KCNIP1: variants seen among roughly 807,000 people sequenced by gnomAD.
KCNIP1 encodes A-type potassium channel modulatory protein KCNIP1.
Under a neutral mutation model 33.0 loss-of-function variants are expected in KCNIP1, and 18 were observed. The ratio of observed to expected loss-of-function variants is 0.55; its 90% CI spans 0.38 to 0.81. The LOEUF is 0.81. KCNIP1 is among the 30% of genes least tolerant of loss of function. The pLI, the probability that KCNIP1 is intolerant of heterozygous loss-of-function variation, is 0.00. For synonymous variants in KCNIP1, 93 were observed against 98.3 expected, an observed-to-expected ratio of 0.95 and a Z score of 0.32; for missense variants, 238 against 271.6, an observed-to-expected ratio of 0.88 and a Z score of 0.87.
At chr5:170,667,008 G>A (rs1404339055) in intron 1 of KCNIP1, among the ~76,000 whole-genome samples, 5 of 152,236 alleles carry the variant, frequency 3.3e-5, no homozygotes, top group African/African-American at 9.6e-5. Flanking sequence ...TAAGAAACAG[G>A]TATTTTAAAA....
At chr5:170,635,580 CTTAG>C (rs1295354331) in intron 1 of KCNIP1, among the ~76,000 whole-genome samples, 2 of 152,182 alleles carry the variant, frequency 1.3e-5, no homozygotes. Flanking sequence ...GTTAGTATAG[CTTAG>C]TTAAACTTTC....
intron 1 of KCNIP1, among the ~76,000 whole-genome samples, chr5:170,494,616 C>A (rs1037397281): frequency 6.6e-6 from 1 of 152,178 alleles, no homozygotes; most frequent in Non-Finnish European, 1.5e-5. Flanking sequence ...GCCAGGCCAC[C>A]AGCGTACGTC....
rs183726858 is a variant in KCNIP1 at position 170,509,332 on chromosome 5, C to T, written c.61+4699C>T. Among the ~76,000 whole-genome samples the T allele has an allele frequency of 3.3e-3, 505 of 152,098 alleles. 3 individuals are homozygous for T. Among genetic ancestry groups the T allele is most frequent in the Admixed American group, 4.8e-3 (73 of 15,268 alleles). The stretch of plus-strand genomic sequence containing the variant: ...TCTGGTCCCTCAATCCCAGAAGAAG[C>T]TCAATGGAGCTCAAGATAAACAGAA... On this transcript the variant is annotated intron_variant, in intron 1 of 7. Coordinates refer to ENST00000328939, the MANE Select transcript of KCNIP1 (RefSeq NM_014592.4).
chr5:170,534,906 T>C (rs1214109937), intron 1 of KCNIP1, among the ~76,000 whole-genome samples: 1 of 151,776 alleles, frequency 6.6e-6, no homozygotes, highest in Non-Finnish European at 1.5e-5. Flanking sequence ...GAGACTTGCC[T>C]CCTGTGTGCA....
chr5:170,467,918 A>C (rs1344877840), intron 1 of KCNIP1, among the ~76,000 whole-genome samples: 2 of 98,092 alleles, frequency 2.0e-5, no homozygotes. Flanking sequence ...ATTCCATCTC[A>C]AAAAAAAAAA....
chr5:170,484,500 T>TGGCATCCTCTCTCCCTCC (rs1757042782), intron 1 of KCNIP1, among the ~76,000 whole-genome samples: 1 of 152,186 alleles, frequency 6.6e-6, no homozygotes, highest in African/African-American at 2.4e-5. Flanking sequence ...GGCCTCCCTC[T>TGGCATCCTCTCTCCCTCC]GGCATCCTCT....
chr5:170,450,571 C>T (rs969139817), intron 1 of KCNIP1, among the ~76,000 whole-genome samples: 2 of 152,140 alleles, frequency 1.3e-5, no homozygotes, highest in African/African-American at 4.8e-5. Flanking sequence ...CTTGCAAGGC[C>T]TCCTGTGTTC....
chr5:170,473,525 C>G (rs919947782), intron 1 of KCNIP1, among the ~76,000 whole-genome samples: 6 of 152,152 alleles, frequency 3.9e-5, no homozygotes, highest in African/African-American at 1.4e-4. Flanking sequence ...CCTGAGAAAT[C>G]AGGGAGGGGC....
chr5:170,607,229 T>A (rs901423646), intron 1 of KCNIP1, among the ~76,000 whole-genome samples: 4 of 152,238 alleles, frequency 2.6e-5, no homozygotes, highest in African/African-American at 9.6e-5. Flanking sequence ...GCTCGTTATT[T>A]AGCCTCCAGT....
chr5:170,364,338 C>T lies in KCNIP1; in HGVS notation c.88+10374C>T, dbSNP rs554600932. 9.8e-5 allele frequency among the ~76,000 whole-genome samples: 15 copies of T among 152,328 alleles called. No individual in the cohort carries two copies. The South Asian group carries it at 1.2e-3, about 13-fold the overall frequency. ...ATGTCTTTAAGGTTCATTCCTGTAA[C>T]AGCCTGTGTCAGAATTCCCTTCCTT... is the stretch of plus-strand genomic sequence containing the variant. On this transcript the variant is annotated intron_variant, in intron 1 of 7. Coordinates refer to the KCNIP1 transcript ENST00000377360.
intron 1 of KCNIP1, among the ~76,000 whole-genome samples, chr5:170,479,825 T>A (rs1288897952): frequency 6.6e-6 from 1 of 152,256 alleles, no homozygotes. Context: ...AACATTTAAC[T>A]TCCGAATTTT....
chr5:170,614,209 T>G (rs1759283627), intron 1 of KCNIP1, among the ~76,000 whole-genome samples: 1 of 152,184 alleles, frequency 6.6e-6, no homozygotes, highest in Admixed American at 6.5e-5. Flanking sequence ...CCTGATTCCC[T>G]GCAGATGGGG....
chr5:170,675,702 T>C (rs1762107449), intron 1 of KCNIP1, among the ~76,000 whole-genome samples: 1 of 152,218 alleles, frequency 6.6e-6, no homozygotes. Flanking sequence ...AGGAGAAAAC[T>C]GTGCAGAGCC....
At chr5:170,565,655 A>C (rs570804239) in intron 1 of KCNIP1, among the ~76,000 whole-genome samples, 1 of 152,326 alleles carries the variant, frequency 6.6e-6, no homozygotes, top group Non-Finnish European at 1.5e-5. Context: ...TTTATATAAG[A>C]AGCAATATGC....
chr5:170,379,389 C>T (rs573405749), intron 1 of KCNIP1, among the ~76,000 whole-genome samples: 3 of 152,168 alleles, frequency 2.0e-5, no homozygotes, highest in Admixed American at 6.5e-5. Context: ...GGGAGGGACA[C>T]AGGCCAAGTG....
At chr5:170,461,928 T>C (rs762569303) in intron 1 of KCNIP1, among the ~76,000 whole-genome samples, 2 of 152,160 alleles carry the variant, frequency 1.3e-5, no homozygotes, top group African/African-American at 2.4e-5. Context: ...AGAATGAAAC[T>C]GGATCCTCAT....
At chr5:170,353,927 G>A (rs367939149) in exon 1 of KCNIP1, 8 of 1,614,098 alleles carry the variant, frequency 5.0e-6, no homozygotes, top group Non-Finnish European at 5.9e-6. Context: ...AATTTGCCCA[G>A]ACCATCTTTA....
At chr5:170,417,098 AG>A (rs1192120880) in intron 1 of KCNIP1, among the ~76,000 whole-genome samples, 1 of 152,236 alleles carries the variant, frequency 6.6e-6, no homozygotes, top group African/African-American at 2.4e-5. Context: ...CTCCACTAAG[AG>A]GGGTTATTTA....
intron 1 of KCNIP1, among the ~76,000 whole-genome samples, chr5:170,523,385 T>G (rs1361051338): frequency 6.6e-6 from 1 of 152,214 alleles, no homozygotes; most frequent in Admixed American, 6.5e-5. Context: ...CATGGATAAT[T>G]ACACGATTCA....
Sources: gnomAD v4.1 joint callset for allele counts (sites outside exome capture counted in the v4.1 genomes callset) on GRCh38, gnomAD v4.1.1 for gene constraint, MANE v1.5 for transcripts, NCBI Gene and HGNC (gene_info 2026-07-23, HGNC 2026-07-21) for gene names.